Variants in RHBDL3 observed in about 807,000 individuals in gnomAD.
RHBDL3 encodes the protein rhomboid like 3.
In RHBDL3, 28 loss-of-function variants were observed where a neutral mutation model predicts 48.2. That is an observed-to-expected ratio of 0.58 (90% CI 0.43 to 0.80). The LOEUF (loss-of-function observed/expected upper bound fraction) is 0.80, where lower values mean the gene tolerates loss of function less well. RHBDL3 is among the 30% of genes least tolerant of loss of function. RHBDL3 has a pLI of 0.00. For missense variants in RHBDL3, 464 were observed against 542.7 expected (o/e 0.85, Z 1.44); for synonymous variants, 208 against 232.3 (o/e 0.90, Z 0.95).
intron 7 of RHBDL3, among the ~76,000 whole-genome samples, chr17:32,313,825 C>T (rs369783047): frequency 1.5e-5 from 2 of 130,200 alleles, no homozygotes; most frequent in African/African-American, 2.8e-5. Flanking sequence ...GGTGTGATCT[C>T]GGCTCACTGC....
rs1308768761 is a variant in RHBDL3 at position 32,266,245 on chromosome 17, G to A, written c.56G>A (p.Arg19His). The A allele has an allele frequency of 1.4e-5, 21 of 1,458,522 alleles. No homozygotes were observed. Among genetic ancestry groups the A allele is most frequent in the Non-Finnish European group, 1.9e-5 (21 of 1,111,794 alleles). The allele number at this position is 1,458,522 out of a possible 1,614,324, so 90.3% of individuals were successfully genotyped here. A position where few individuals can be genotyped will look rare whatever the true frequency, so the allele number is the denominator to read the frequency against. Residue 19 changes from arginine to histidine, a missense_variant, in exon 1 of 9, where the codon CGC (arginine) becomes CAC (histidine). Coordinates refer to ENST00000269051, the MANE Select transcript of RHBDL3 (RefSeq NM_138328.3). Reference sequence around the variant, plus strand: ...GTGGCCGCCTGCGCCGAGGCGGAGCGCATCGAGGAGCTGGAACCCGAGGCC... The same window carrying A: ...GTGGCCGCCTGCGCCGAGGCGGAGCACATCGAGGAGCTGGAACCCGAGGCC... ...PAVAACAEAE[R>H]IEELEPEAEE...
Position 32,266,130 on chromosome 17 carries a change from TAGCCCGGCGCCCC to T in RHBDL3, c.-59_-47del. ...CGGCGCGGCCGCCGCGGCGCAAAGT[TAGCCCGGCGCCCC>T]GGGACGAGCCCCGCAGCCGCCGCCG... On this transcript the variant is annotated 5_prime_UTR_variant, in exon 1 of 9. An upstream open reading frame in the 5' UTR loses its in-frame stop. Transcript: ENST00000269051. The T allele has an allele frequency of 1.7e-6, 1 of 584,390 alleles. No homozygotes were observed. The highest frequency in any genetic ancestry group is 8.2e-5 in the South Asian group (1 of 12,124). The allele number at this position is 584,390 out of a possible 1,614,324, so 36.2% of individuals were successfully genotyped here.
At chr17:32,317,225 G>A (rs2040997820) in intron 8 of RHBDL3, among the ~76,000 whole-genome samples, 1 of 152,066 alleles carries the variant, frequency 6.6e-6, no homozygotes, top group South Asian at 2.1e-4. Context: ...ACAGAAAAGT[G>A]CTTAAGGACC....
intron 6 of RHBDL3, among the ~76,000 whole-genome samples, chr17:32,302,235 G>A (rs1670929911): frequency 6.6e-6 from 1 of 152,212 alleles, no homozygotes; most frequent in Non-Finnish European, 1.5e-5. Context: ...CACACTTCCT[G>A]CCCGGGGAGG....
intron 7 of RHBDL3, among the ~76,000 whole-genome samples, chr17:32,309,770 CTTTTTTTTTTT>C (rs11346917): frequency 7.2e-5 from 9 of 124,830 alleles, no homozygotes; most frequent in East Asian, 2.7e-4. Context: ...ATCAAGACTT[CTTTTTTTTTTT>C]TTTTTTTTTT....
At chr17:32,281,376 C>T (rs1426697318) in intron 2 of RHBDL3, among the ~76,000 whole-genome samples, 2 of 151,968 alleles carry the variant, frequency 1.3e-5, no homozygotes, top group South Asian at 2.1e-4. Context: ...GAGGCAGCCC[C>T]TAGGAGGGGA....
At chr17:32,288,655 T>C in intron 3 of RHBDL3, 137 bp from the exon 4 acceptor site, 1 of 640,818 alleles carries the variant, frequency 1.6e-6, no homozygotes. Flanking sequence ...TGGTGAATGT[T>C]GCTTCTTATT....
At chr17:32,270,664 C>T (rs539142367) in intron 2 of RHBDL3, among the ~76,000 whole-genome samples, 3 of 152,182 alleles carry the variant, frequency 2.0e-5, no homozygotes, top group Admixed American at 2.0e-4. Flanking sequence ...CCAATCCATG[C>T]CACGCACCCT....
At chr17:32,293,933 G>C (rs992489806) in intron 4 of RHBDL3, among the ~76,000 whole-genome samples, 6 of 152,080 alleles carry the variant, frequency 3.9e-5, no homozygotes, top group Non-Finnish European at 8.8e-5. Flanking sequence ...TTCAAGACCA[G>C]CTTGACCAAC....
At chr17:32,266,346 G>A in intron 1 of RHBDL3, 46 bp downstream of exon 1, 2 of 1,080,668 alleles carry the variant, frequency 1.9e-6, no homozygotes, top group Non-Finnish European at 2.5e-6. Context: ...GGGGCGCCGG[G>A]GGGAAAAGCC....
chr17:32,321,458 A>G lies in RHBDL3; in HGVS notation c.*229A>G, dbSNP rs2041132536. ...GCTGTCGTTTTTCTCGGCTGCTCTG[A>G]TGACATCGGGCCAGGGTGAAGGTCT... On this transcript the variant is annotated 3_prime_UTR_variant, in exon 9 of 9. Coordinates refer to ENST00000269051, the MANE Select transcript of RHBDL3 (RefSeq NM_138328.3). 7.9e-7 allele frequency: 1 copy of G among 1,266,624 alleles called. No homozygotes were observed. The highest frequency in any genetic ancestry group is 1.1e-6 in the Non-Finnish European group (1 of 923,392). 78.5% of individuals were successfully genotyped at this position (1,266,624 alleles called of 1,614,324 possible).
At chr17:32,293,674 A>G (rs2040385045) in intron 4 of RHBDL3, among the ~76,000 whole-genome samples, 1 of 152,120 alleles carries the variant, frequency 6.6e-6, no homozygotes, top group African/African-American at 2.4e-5. Flanking sequence ...GGAATTCGTC[A>G]TCTCCCAAGT....
At chr17:32,285,435 C>G (rs2040175112) in intron 3 of RHBDL3, among the ~76,000 whole-genome samples, 1 of 151,962 alleles carries the variant, frequency 6.6e-6, no homozygotes, top group African/African-American at 2.4e-5. Flanking sequence ...TGTGGTAGAG[C>G]CAGAGCTCAG....
chr17:32,299,718 T>A (rs1483065685), intron 6 of RHBDL3, among the ~76,000 whole-genome samples: 1 of 152,110 alleles, frequency 6.6e-6, no homozygotes, highest in African/African-American at 2.4e-5. Context: ...AGGTGTCACC[T>A]CCCCAGTGAC....
chr17:32,312,189 A>C (rs1189753856), intron 7 of RHBDL3, among the ~76,000 whole-genome samples: 1 of 152,210 alleles, frequency 6.6e-6, no homozygotes, highest in African/African-American at 2.4e-5. Flanking sequence ...CAATCCCAGC[A>C]CTTTGGGAGG....
At chr17:32,283,122 C>T (rs2040098377) in intron 2 of RHBDL3, among the ~76,000 whole-genome samples, 1 of 152,102 alleles carries the variant, frequency 6.6e-6, no homozygotes, top group Non-Finnish European at 1.5e-5. Context: ...GCCTTTTAAA[C>T]AACTCACAGC....
intron 6 of RHBDL3, among the ~76,000 whole-genome samples, chr17:32,298,772 A>T (rs975723441): frequency 6.6e-6 from 1 of 152,208 alleles, no homozygotes; most frequent in Non-Finnish European, 1.5e-5. Context: ...CACTGCTGAC[A>T]GGGAGTCTGA....
chr17:32,283,532 C>A (rs985897725), intron 2 of RHBDL3, among the ~76,000 whole-genome samples: 1 of 151,254 alleles, frequency 6.6e-6, no homozygotes, highest in African/African-American at 2.5e-5. Context: ...ACCGTGTTAG[C>A]CAGGATGGTC....
In RHBDL3 at chr17:32,289,603, C is replaced by T. The variant is rs115625596; in HGVS notation, c.519+587C>T. ...GCTTAACATTTTTAAAGAACATTCT[C>T]CCCTTAGGGAATCCTCTGTGCCTAT... On this transcript the variant is annotated intron_variant, in intron 4 of 8. Transcript: ENST00000269051. Among the ~76,000 whole-genome samples, 1,144 of 152,326 alleles carry T rather than the reference C, an allele frequency of 7.5e-3. 16 individuals are homozygous for T. Among genetic ancestry groups the T allele is most frequent in the African/African-American group, 0.026 (1,088 of 41,558 alleles).
Sources: gnomAD v4.1 joint callset for allele counts (sites outside exome capture counted in the v4.1 genomes callset) on GRCh38, gnomAD v4.1.1 for gene constraint, MANE v1.5 for transcripts, NCBI Gene and HGNC (gene_info 2026-07-23, HGNC 2026-07-21) for gene names.